The following LGSN variants were observed in gnomAD, a reference collection of about 807,000 sequenced individuals.
LGSN encodes the protein lengsin.
LGSN carries 21 observed loss-of-function variants against 19.5 expected under a neutral mutation model. The observed-to-expected ratio is 1.07, with a 90% CI of 0.76 to 1.55. The LOEUF is 1.55. Ranked by LOEUF, LGSN falls within the 40% of genes most tolerant of loss-of-function variation. The probability of loss-of-function intolerance (pLI) is 0.00; values close to 1 mark genes in which losing one functional copy is unlikely to be tolerated. For synonymous variants in LGSN, 257 were observed against 215.6 expected (o/e 1.19, Z -1.68); for missense variants, 673 against 608.5 (o/e 1.11, Z -1.12).
the LGSN span, among the ~76,000 whole-genome samples, chr6:63,572,875 T>C: frequency 8.5e-5 from 13 of 152,090 alleles, no homozygotes; most frequent in East Asian, 2.1e-3. Context: ...GTTATGGCCC[T>C]GTGGCCGGCC....
At chr6:63,486,818 A>AC in the LGSN span, among the ~76,000 whole-genome samples, 4 of 134,628 alleles carry the variant, frequency 3.0e-5, no homozygotes, top group African/African-American at 9.2e-5. Flanking sequence ...TTGTATGTTT[A>AC]TTTTATTATT....
chr6:63,418,074 C>T, the LGSN span, among the ~76,000 whole-genome samples: 1,481 of 152,254 alleles, frequency 9.7e-3, 16 homozygotes, highest in African/African-American at 0.033. Flanking sequence ...AGAAATAATA[C>T]TGGAGGTATG....
chr6:63,531,847 A>C, the LGSN span, among the ~76,000 whole-genome samples: 1 of 146,358 alleles, frequency 6.8e-6, no homozygotes, highest in Non-Finnish European at 1.5e-5. Context: ...TTTTTTTTTG[A>C]GACAGAGTCT....
intron 1 of LGSN, among the ~76,000 whole-genome samples, chr6:63,303,370 G>C (rs1273577955): frequency 1.3e-5 from 2 of 152,182 alleles, no homozygotes; most frequent in Non-Finnish European, 2.9e-5. Flanking sequence ...TTCTCTCATG[G>C]AACATTCCTA....
chr6:63,383,404 A>T, the LGSN span, among the ~76,000 whole-genome samples: 1 of 149,150 alleles, frequency 6.7e-6, no homozygotes, highest in African/African-American at 2.5e-5. Flanking sequence ...ACACACACAC[A>T]CTCTTGCATG....
intron 2 of LGSN, among the ~76,000 whole-genome samples, chr6:63,291,648 C>T (rs564311878): frequency 2.0e-4 from 31 of 152,238 alleles, no homozygotes; most frequent in African/African-American, 7.2e-4. Flanking sequence ...CATTTTGGAA[C>T]AAAAACAGAA....
intron 1 of LGSN, among the ~76,000 whole-genome samples, chr6:63,314,090 G>T (rs1768745259): frequency 6.6e-6 from 1 of 151,798 alleles, no homozygotes; most frequent in Non-Finnish European, 1.5e-5. Context: ...ATCGTTAGAA[G>T]AAAGAGCAGA....
At chr6:63,371,966 G>C in the LGSN span, among the ~76,000 whole-genome samples, 24 of 152,198 alleles carry the variant, frequency 1.6e-4, no homozygotes, top group East Asian at 1.9e-3. Context: ...CATGAGAAAG[G>C]CTTTTACTCT....
chr6:63,362,393 G>A, the LGSN span, among the ~76,000 whole-genome samples: 7 of 152,304 alleles, frequency 4.6e-5, no homozygotes, highest in Non-Finnish European at 5.9e-5. Context: ...AGAGCAGGGC[G>A]GGGCATCGCC....
chr6:63,552,844 T>C, the LGSN span, among the ~76,000 whole-genome samples: 1 of 152,230 alleles, frequency 6.6e-6, no homozygotes, highest in African/African-American at 2.4e-5. Context: ...CAGATGATTG[T>C]AGATGTGTGG....
the LGSN span, among the ~76,000 whole-genome samples, chr6:63,391,779 T>C: frequency 0.014 from 2,070 of 152,248 alleles, 39 homozygotes; most frequent in African/African-American, 0.037. Flanking sequence ...AACTAAGTCA[T>C]TGCTGGTCCA....
chr6:63,315,881 A>AAAC (rs1039092198), intron 1 of LGSN, among the ~76,000 whole-genome samples: 13 of 152,034 alleles, frequency 8.6e-5, no homozygotes, highest in African/African-American at 3.1e-4. Context: ...CTTAAAAAAA[A>AAAC]AAAAAACTCC....
the LGSN span, among the ~76,000 whole-genome samples, chr6:63,569,641 C>T: frequency 6.6e-6 from 1 of 152,192 alleles, no homozygotes; most frequent in African/African-American, 2.4e-5. Context: ...CAATAGAAAG[C>T]CCTGCCTATC....
chr6:63,518,062 G>A, the LGSN span, among the ~76,000 whole-genome samples: 7 of 149,326 alleles, frequency 4.7e-5, no homozygotes, highest in Non-Finnish European at 8.8e-5. Flanking sequence ...TAAGGCAAGA[G>A]AATTGCTTAA....
At chr6:63,464,654 T>G in the LGSN span, among the ~76,000 whole-genome samples, 83,366 of 151,260 alleles carry the variant, frequency 0.55, 23,166 homozygotes, top group Middle Eastern at 0.58. Flanking sequence ...CAGAGAAGTG[T>G]CCAATGGTAT....
chr6:63,464,479 A>G, the LGSN span, among the ~76,000 whole-genome samples: 2 of 151,508 alleles, frequency 1.3e-5, no homozygotes, highest in African/African-American at 4.8e-5. Flanking sequence ...ACAGAGACAA[A>G]CCAAATAAAT....
chr6:63,424,234 T>C, the LGSN span, among the ~76,000 whole-genome samples: 236 of 152,084 alleles, frequency 1.6e-3, 3 homozygotes, highest in Middle Eastern at 6.8e-3. Context: ...AATAAATTCC[T>C]CAAAAATAAA....
At chr6:63,283,379 C>T (rs1767393804) in intron 3 of LGSN, among the ~76,000 whole-genome samples, 2 of 152,002 alleles carry the variant, frequency 1.3e-5, no homozygotes, top group Admixed American at 1.3e-4. Flanking sequence ...ACAAATGAAA[C>T]TTGGACCATA....
the LGSN span, among the ~76,000 whole-genome samples, chr6:63,442,897 G>A: frequency 4.6e-5 from 7 of 152,210 alleles, no homozygotes; most frequent in African/African-American, 1.2e-4. Context: ...AGCTGGCTTC[G>A]CCTAGTGGAT....
Sources: allele counts gnomAD v4.1 joint callset (sites outside exome capture counted in the v4.1 genomes callset), GRCh38; gene constraint gnomAD v4.1.1; transcripts MANE v1.5; gene names NCBI Gene and HGNC (gene_info 2026-07-23, HGNC 2026-07-21).